Variants in SOX6 observed in about 807,000 individuals in gnomAD.
SOX6 encodes the protein transcription factor SOX-6.
SOX6 carries 11 observed loss-of-function variants against 97.8 expected under a neutral mutation model. The observed-to-expected ratio is 0.11, with a 90% CI of 0.07 to 0.19. SOX6 has a LOEUF of 0.19. Ranked by LOEUF, SOX6 falls within the 10% of genes least tolerant of loss-of-function variation. The pLI is 1.00. For synonymous variants in SOX6, 360 were observed against 371.4 expected, an observed-to-expected ratio of 0.97 and a Z score of 0.35; for missense variants, 810 against 1,039.5, an observed-to-expected ratio of 0.78 and a Z score of 3.04.
intron 3 of SOX6, among the ~76,000 whole-genome samples, chr11:16,668,916 A>G (rs867210950): frequency 7.9e-5 from 12 of 152,388 alleles, no homozygotes; most frequent in Non-Finnish European, 1.6e-4. Context: ...CATGAAGAAG[A>G]GAAATAGACC....
At chr11:16,106,107 T>A (rs1161220056) in intron 7 of SOX6, among the ~76,000 whole-genome samples, 1 of 152,112 alleles carries the variant, frequency 6.6e-6, no homozygotes, top group Non-Finnish European at 1.5e-5. Flanking sequence ...GATTTAACAC[T>A]GTTAAGATGG....
chr11:16,136,237 C>G (rs1237828390), intron 6 of SOX6, among the ~76,000 whole-genome samples: 2 of 151,968 alleles, frequency 1.3e-5, no homozygotes, highest in East Asian at 3.9e-4. Context: ...CCAGGATGGT[C>G]TCGATCTCCT....
intron 3 of SOX6, among the ~76,000 whole-genome samples, chr11:16,687,990 T>G (rs1847982035): frequency 6.6e-6 from 1 of 152,154 alleles, no homozygotes; most frequent in African/African-American, 2.4e-5. Context: ...TAATTTTTTT[T>G]GACACAGGGT....
At chr11:15,990,019 G>A (rs552162654) in intron 13 of SOX6, among the ~76,000 whole-genome samples, 1 of 152,212 alleles carries the variant, frequency 6.6e-6, no homozygotes, top group South Asian at 2.1e-4. Context: ...AAGTGAGTGG[G>A]AGAGGGAGTA....
At chr11:16,715,307 ATATAT>A (rs1228073457) in intron 2 of SOX6, among the ~76,000 whole-genome samples, 2 of 152,250 alleles carry the variant, frequency 1.3e-5, no homozygotes, top group East Asian at 1.9e-4. Context: ...GTTACATAAC[ATATAT>A]TATAAACATA....
chr11:16,701,233 G>A (rs1425645232), intron 3 of SOX6, among the ~76,000 whole-genome samples: 1 of 152,118 alleles, frequency 6.6e-6, no homozygotes, highest in East Asian at 1.9e-4. Flanking sequence ...AGAGAGACCT[G>A]GATTTAGTTC....
At chr11:16,076,635 G>A (rs1848358924) in intron 9 of SOX6, among the ~76,000 whole-genome samples, 1 of 151,848 alleles carries the variant, frequency 6.6e-6, no homozygotes, top group Non-Finnish European at 1.5e-5. Flanking sequence ...TGGCTGGGAG[G>A]CCCTAGGAAA....
chr11:15,984,709 G>T (rs554029455), intron 15 of SOX6, among the ~76,000 whole-genome samples: 2 of 152,110 alleles, frequency 1.3e-5, no homozygotes, highest in South Asian at 4.1e-4. Flanking sequence ...TTAACATACT[G>T]GGATCTTTTA....
chr11:16,685,471 A>G (rs1847961854), intron 3 of SOX6, among the ~76,000 whole-genome samples: 2 of 152,250 alleles, frequency 1.3e-5, no homozygotes, highest in Admixed American at 6.5e-5. Flanking sequence ...TACAGGCCCC[A>G]TGAAAGTTTG....
chr11:16,462,764 G>GA (rs577553748), intron 1 of SOX6, among the ~76,000 whole-genome samples: 4 of 152,068 alleles, frequency 2.6e-5, no homozygotes, highest in Non-Finnish European at 5.9e-5. Context: ...TCTCCTCCAG[G>GA]AAAAAAACTC....
intron 6 of SOX6, among the ~76,000 whole-genome samples, chr11:16,169,726 T>G (rs920246592): frequency 6.6e-6 from 1 of 152,086 alleles, no homozygotes; most frequent in African/African-American, 2.4e-5. Flanking sequence ...TAGTAAATAG[T>G]TTAAATTCCT....
intron 6 of SOX6, among the ~76,000 whole-genome samples, chr11:16,183,442 T>C (rs560996047): frequency 6.6e-6 from 1 of 152,036 alleles, no homozygotes; most frequent in Non-Finnish European, 1.5e-5. Context: ...TAATATTTGT[T>C]AAGGAACAAA....
intron 1 of SOX6, among the ~76,000 whole-genome samples, chr11:16,413,560 G>A (rs1481625633): frequency 4.2e-5 from 5 of 118,966 alleles, no homozygotes; most frequent in African/African-American, 1.7e-4. Context: ...CACTCTTGTC[G>A]CCCAGGCTGG....
At chr11:16,146,944 G>A (rs1053845954) in intron 6 of SOX6, among the ~76,000 whole-genome samples, 1 of 152,184 alleles carries the variant, frequency 6.6e-6, no homozygotes, top group Non-Finnish European at 1.5e-5. Flanking sequence ...AGACAGTGCG[G>A]CGATTCCTCA....
intron 3 of SOX6, among the ~76,000 whole-genome samples, chr11:16,262,488 G>C (rs1321160971): frequency 6.6e-6 from 1 of 152,024 alleles, no homozygotes; most frequent in Admixed American, 6.6e-5. Flanking sequence ...CTTTAAAAGA[G>C]ACAATGTCTC....
intron 1 of SOX6, among the ~76,000 whole-genome samples, chr11:16,456,803 C>T (rs1441010167): frequency 2.0e-5 from 3 of 152,164 alleles, no homozygotes; most frequent in Admixed American, 2.0e-4. Context: ...CTGAATTTTT[C>T]CTCCAGTGAA....
chr11:16,223,650 G>T (rs946781215), intron 4 of SOX6, among the ~76,000 whole-genome samples: 9 of 152,008 alleles, frequency 5.9e-5, no homozygotes, highest in African/African-American at 1.7e-4. Context: ...ATAGAGAAAG[G>T]TTCCCCCTCA....
intron 1 of SOX6, among the ~76,000 whole-genome samples, chr11:16,373,871 GGAAGGAAGGAAGGA>G: frequency 3.0e-4 from 6 of 20,126 alleles, no homozygotes; most frequent in African/African-American, 7.1e-4. Flanking sequence ...AAGGAAGGAA[GGAAGGAAGGAAGGA>G]AGGGAGGGAG....
chr11:16,055,702 T>G, intron 10 of SOX6, 50 bp downstream of exon 10: 1 of 1,612,158 alleles, frequency 6.2e-7, no homozygotes, highest in Non-Finnish European at 8.5e-7. Context: ...CTATCTTTCT[T>G]GTGAAACTTT....
Sources: gnomAD v4.1 joint callset for allele counts (sites outside exome capture counted in the v4.1 genomes callset) on GRCh38, gnomAD v4.1.1 for gene constraint, MANE v1.5 for transcripts, NCBI Gene and HGNC (gene_info 2026-07-23, HGNC 2026-07-21) for gene names.